Variants in NBPF3 observed in about 807,000 individuals in gnomAD.
The protein encoded by NBPF3 is NBPF member 3, also known as NBPF family member NBPF3.
A neutral mutation model predicts 78.1 loss-of-function variants in NBPF3; 57 were observed. The ratio of observed to expected loss-of-function variants is 0.73; its 90% confidence interval spans 0.59 to 0.91. NBPF3 has a LOEUF of 0.91. Among genes scored for constraint, NBPF3 ranks in the 40% least tolerant of loss-of-function variants. NBPF3 has a pLI of 0.00. For missense variants in NBPF3, 510 were observed against 715.3 expected, an observed-to-expected ratio of 0.71 and a Z score of 3.27; for synonymous variants, 182 against 271.7, an observed-to-expected ratio of 0.67 and a Z score of 3.25.
chr1:21,481,371 A>G (rs2800938), intron 12 of NBPF3, among the ~76,000 whole-genome samples: 67,497 of 142,412 alleles, frequency 0.47, 17,239 homozygotes, highest in Middle Eastern at 0.61. Context: ...GTGAGCGCTC[A>G]CTCTCTCTCT....
At chr1:21,446,603 C>A (rs1292317529) in intron 2 of NBPF3, 1 of 131,058 alleles carries the variant, frequency 7.6e-6, no homozygotes, top group African/African-American at 2.8e-5. Context: ...TTCCTTTCTT[C>A]CTTTCTTCTT....
At chr1:21,478,989 C>T (rs1414788298) in intron 9 of NBPF3, among the ~76,000 whole-genome samples, 4 of 152,246 alleles carry the variant, frequency 2.6e-5, no homozygotes, top group Admixed American at 2.6e-4. Flanking sequence ...CATAAACTAT[C>T]AAATCTGGGT....
intron 2 of NBPF3, among the ~76,000 whole-genome samples, chr1:21,457,454 CAATG>C (rs760555391): frequency 7.9e-5 from 12 of 151,184 alleles, no homozygotes; most frequent in African/African-American, 1.7e-4. Flanking sequence ...AGAAACAACA[CAATG>C]AAACAATTTC....
Position 21,445,070 on chromosome 1 carries a change from T to C in NBPF3, c.-17T>C. The C allele has an allele frequency of 6.2e-7, 1 of 1,608,646 alleles. No individual in the cohort carries two copies. The highest frequency in any genetic ancestry group is 8.5e-7 in the Non-Finnish European group (1 of 1,177,646). On this transcript the variant is annotated 5_prime_UTR_variant, in exon 2 of 15. Transcript: ENST00000318249. ...CTGGAGCTTCAGTGCTGTGTGCTCT[T>C]GGCCTCCACACTGGGGATGCCACTG...
At position 21,478,182 on chromosome 1, in the gene NBPF3, A is replaced by G; in HGVS notation, c.1031A>G (p.Glu344Gly). ...QESEEEEAPQ[E>G]SWDEGDWTLS... Reference sequence around the variant, plus strand: ...TCTGAAGAGGAGGAAGCCCCCCAGGAGTCCTGGGATGAAGGTGATTGGACT... The same window carrying G: ...TCTGAAGAGGAGGAAGCCCCCCAGGGGTCCTGGGATGAAGGTGATTGGACT... The change falls in exon 9 of 15, where the codon GAG becomes GGG. Residue 344 changes from glutamate to glycine, a missense_variant. Transcript: ENST00000318249. 1 of 1,614,138 alleles carries G rather than the reference A, an allele frequency of 6.2e-7. No homozygotes were observed.
intron 8 of NBPF3, 148 bp from the exon 9 acceptor site, chr1:21,477,993 TAGA>T (rs1642972826): frequency 6.5e-7 from 1 of 1,547,232 alleles, no homozygotes; most frequent in African/African-American, 1.4e-5. Flanking sequence ...AGCCTGCATT[TAGA>T]AGGATAGTTT....
intron 2 of NBPF3, among the ~76,000 whole-genome samples, chr1:21,457,401 T>TATATGTATGTATA (rs1641686257): frequency 6.6e-6 from 1 of 150,742 alleles, no homozygotes; most frequent in Non-Finnish European, 1.5e-5. Context: ...TGTATGTATA[T>TATATGTATGTATA]ATATGCATGT....
chr1:21,439,662 T>C (rs892326600), upstream of NBPF3, among the ~76,000 whole-genome samples: 1 of 152,054 alleles, frequency 6.6e-6, no homozygotes, highest in African/African-American at 2.4e-5. Context: ...TTTTTTTTAA[T>C]AGATACGGGG....
intron 7 of NBPF3, among the ~76,000 whole-genome samples, chr1:21,474,071 T>G (rs1642755165): frequency 6.6e-6 from 1 of 152,222 alleles, no homozygotes; most frequent in African/African-American, 2.4e-5. Flanking sequence ...CAGAAACTTT[T>G]CTTTTTTACT....
chr1:21,471,761 C>G lies in NBPF3; in HGVS notation c.639C>G (p.His213Gln). 1.2e-6 allele frequency: 2 copies of G among 1,613,106 alleles called. No homozygotes were observed. The highest frequency in any genetic ancestry group is 8.5e-7 in the Non-Finnish European group (1 of 1,179,838). Residue 213 changes from histidine (H) to glutamine (Q), a missense_variant, in exon 5 of 15, where the codon CAC becomes CAG. Transcript: ENST00000318249. ...QLAEGCRLAQHLVQKLSPEND... is the reference protein window; with the variant it reads ...QLAEGCRLAQQLVQKLSPEND... ...CTGAGGGATGTAGGCTGGCACAGCA[C>G]CTCGTCCAAAAGCTCAGCCCAGGTG...
At chr1:21,450,121 T>G (rs1312497022) in intron 2 of NBPF3, among the ~76,000 whole-genome samples, 1 of 151,660 alleles carries the variant, frequency 6.6e-6, no homozygotes, top group Non-Finnish European at 1.5e-5. Context: ...CTGATCAGAG[T>G]CATGTGAGGC....
chr1:21,469,125 C>T (rs1642447169), intron 3 of NBPF3, among the ~76,000 whole-genome samples: 2 of 152,190 alleles, frequency 1.3e-5, no homozygotes, highest in Admixed American at 1.3e-4. Context: ...GTTAAAATCG[C>T]AGTTATTCAT....
intron 2 of NBPF3, among the ~76,000 whole-genome samples, chr1:21,450,553 T>C (rs1411609729): frequency 6.6e-6 from 1 of 152,194 alleles, no homozygotes; most frequent in Non-Finnish European, 1.5e-5. Context: ...GTGTGACATA[T>C]GTGGGGACCA....
At chr1:21,438,946 T>A (rs1327721198), upstream of NBPF3, among the ~76,000 whole-genome samples, 1 of 152,198 alleles carries the variant, frequency 6.6e-6, no homozygotes, top group East Asian at 1.9e-4. Context: ...GAAGGGCAGT[T>A]GGCAGCACTG....
chr1:21,439,048 C>G (rs899569061), upstream of NBPF3, among the ~76,000 whole-genome samples: 1 of 152,158 alleles, frequency 6.6e-6, no homozygotes, highest in African/African-American at 2.4e-5. Context: ...TCTGTGTGAG[C>G]TCTTTGGAAC....
At chr1:21,436,896 G>C, upstream of NBPF3, 1 of 448,088 alleles carries the variant, frequency 2.2e-6, no homozygotes, top group Non-Finnish European at 3.7e-6. This position sits in a 1 kb window ranked among gnomAD's most constrained non-coding sequence, Gnocchi z 4.3. Flanking sequence ...GGACGGGTCC[G>C]GGGAGGTCCG....
chr1:21,451,220 T>G (rs1569952439), intron 2 of NBPF3, among the ~76,000 whole-genome samples: 1 of 152,368 alleles, frequency 6.6e-6, no homozygotes, highest in African/African-American at 2.4e-5. Flanking sequence ...ATTGGTCCAT[T>G]CTTGTATTGA....
At chr1:21,444,435 G>T (rs922814557) in intron 1 of NBPF3, among the ~76,000 whole-genome samples, 3 of 152,206 alleles carry the variant, frequency 2.0e-5, no homozygotes, top group African/African-American at 7.2e-5. Flanking sequence ...AGTTCAATAA[G>T]CATTAACTAA....
chr1:21,438,418 T>A (rs1240166512), upstream of NBPF3, among the ~76,000 whole-genome samples: 1 of 152,200 alleles, frequency 6.6e-6, no homozygotes, highest in Non-Finnish European at 1.5e-5. Context: ...CAGCCCAGTT[T>A]TGTGATCTTT....
Sources: gnomAD v4.1 joint callset for allele counts (sites outside exome capture counted in the v4.1 genomes callset) on GRCh38, gnomAD v4.1.1 for gene constraint, Gnocchi (gnomAD v3.1) non-coding constraint, MANE v1.5 for transcripts, NCBI Gene and HGNC (gene_info 2026-07-23, HGNC 2026-07-21) for gene names.